The following GALNT1 variants were observed in gnomAD, a reference collection of about 807,000 sequenced individuals.
The protein encoded by GALNT1 is polypeptide N-acetylgalactosaminyltransferase 1.
GALNT1 carries 17 observed loss-of-function variants against 65.7 expected under a neutral mutation model. The ratio of observed to expected loss-of-function variants is 0.26; its 90% CI spans 0.18 to 0.39. The LOEUF is 0.39. Among genes scored for constraint, GALNT1 ranks in the 10% least tolerant of loss-of-function variants. The probability of loss-of-function intolerance (pLI) is 1.00; values close to 1 mark genes in which losing one functional copy is unlikely to be tolerated. For missense variants in GALNT1, 460 were observed against 672.8 expected, an observed-to-expected ratio of 0.68 and a Z score of 3.50; for synonymous variants, 210 against 219.7, an observed-to-expected ratio of 0.96 and a Z score of 0.39.
intron 2 of GALNT1, among the ~76,000 whole-genome samples, chr18:35,661,729 A>G (rs150798943): frequency 6.6e-6 from 1 of 152,076 alleles, no homozygotes; most frequent in Non-Finnish European, 1.5e-5. Flanking sequence ...TTTGTCCCGT[A>G]TATTTCCTGT....
rs2046319596 is a variant in GALNT1, at chr18:35,581,772, C to T, written c.-194C>T. 1 of 35,730 alleles carries T rather than the reference C, an allele frequency of 2.8e-5. No individual in the cohort carries two copies. The highest frequency in any genetic ancestry group is 5.2e-5 in the Non-Finnish European group (1 of 19,308). The allele number at this position is 35,730 out of a possible 1,614,324, so 2.2% of individuals were successfully genotyped here. On this transcript the variant is annotated 5_prime_UTR_variant, in exon 1 of 12. Transcript: ENST00000269195. ...GAGGAGCGCGCGGCGGACGGCGGCC[C>T]GAGAGTAGCGCGCTGGCCGCGGGAC...
chr18:35,603,865 C>T (rs551475381), intron 1 of GALNT1, among the ~76,000 whole-genome samples: 1 of 152,230 alleles, frequency 6.6e-6, no homozygotes, highest in Non-Finnish European at 1.5e-5. Context: ...CTAAAGGTAT[C>T]CCAACTGATG....
At chr18:35,603,234 C>T (rs534410406) in intron 1 of GALNT1, among the ~76,000 whole-genome samples, 1 of 152,266 alleles carries the variant, frequency 6.6e-6, no homozygotes, top group South Asian at 2.1e-4. Context: ...TCACCTTGAC[C>T]TCACTTTTTC....
At chr18:35,639,178 G>A (rs1478611970) in intron 1 of GALNT1, among the ~76,000 whole-genome samples, 3 of 152,166 alleles carry the variant, frequency 2.0e-5, no homozygotes, top group African/African-American at 2.4e-5. Context: ...ATTGCATGCT[G>A]TAGAGAAATC....
At chr18:35,624,856 G>A (rs1030544034) in intron 1 of GALNT1, among the ~76,000 whole-genome samples, 2 of 151,796 alleles carry the variant, frequency 1.3e-5, no homozygotes, top group African/African-American at 4.8e-5. Context: ...ACGTTTTCTG[G>A]CATTTTTATT....
intron 1 of GALNT1, among the ~76,000 whole-genome samples, chr18:35,637,047 A>G (rs2047100159): frequency 1.3e-5 from 2 of 152,098 alleles, no homozygotes; most frequent in Non-Finnish European, 2.9e-5. Flanking sequence ...AGTTTAATCA[A>G]TAAATGTCTT....
intron 1 of GALNT1, among the ~76,000 whole-genome samples, chr18:35,591,431 G>T (rs2046443030): frequency 6.6e-6 from 1 of 152,194 alleles, no homozygotes; most frequent in African/African-American, 2.4e-5. Context: ...ACAATTCTAA[G>T]TGCTGTACTT....
intron 1 of GALNT1, among the ~76,000 whole-genome samples, chr18:35,603,100 G>C (rs995252287): frequency 6.6e-6 from 1 of 152,154 alleles, no homozygotes. Context: ...CTTGGCTCTT[G>C]CAAATACTCA....
At chr18:35,699,578 C>T (rs1029865023) in intron 9 of GALNT1, among the ~76,000 whole-genome samples, 1 of 152,226 alleles carries the variant, frequency 6.6e-6, no homozygotes, top group African/African-American at 2.4e-5. Context: ...ATAAAATCCT[C>T]TGAAGAGTGG....
At chr18:35,645,476 G>T (rs577477245) in intron 1 of GALNT1, among the ~76,000 whole-genome samples, 3 of 151,934 alleles carry the variant, frequency 2.0e-5, no homozygotes, top group South Asian at 2.1e-4. Flanking sequence ...CTCCTGATCC[G>T]CCCGTGGCCT....
chr18:35,692,074 C>G (rs1404948683), intron 8 of GALNT1, 107 bp from the exon 9 acceptor site: 7 of 919,924 alleles, frequency 7.6e-6, no homozygotes, highest in South Asian at 3.3e-5. Flanking sequence ...ACATATCACC[C>G]AGCTGATACC....
intron 1 of GALNT1, among the ~76,000 whole-genome samples, chr18:35,604,210 G>A (rs976502927): frequency 7.9e-5 from 12 of 152,014 alleles, no homozygotes; most frequent in African/African-American, 2.9e-4. Context: ...TAGGATAATG[G>A]CCTCTATTTG....
At chr18:35,619,930 C>T (rs913038985) in intron 1 of GALNT1, among the ~76,000 whole-genome samples, 8 of 152,128 alleles carry the variant, frequency 5.3e-5, no homozygotes, top group Non-Finnish European at 1.0e-4. Context: ...AGATAAAGAA[C>T]AAGCCATGAA....
intron 1 of GALNT1, among the ~76,000 whole-genome samples, chr18:35,610,878 A>G (rs1054672608): frequency 6.6e-6 from 1 of 152,194 alleles, no homozygotes; most frequent in Non-Finnish European, 1.5e-5. Flanking sequence ...CTGGATTCTC[A>G]TACCCTCTTT....
intron 5 of GALNT1, among the ~76,000 whole-genome samples, chr18:35,684,520 G>A (rs995316650): frequency 1.3e-5 from 2 of 152,164 alleles, no homozygotes; most frequent in African/African-American, 2.4e-5. Context: ...TTGCTCGCCT[G>A]AAGATAACAC....
chr18:35,666,404 C>G (rs1347736850), intron 3 of GALNT1, among the ~76,000 whole-genome samples: 1 of 152,144 alleles, frequency 6.6e-6, no homozygotes, highest in Admixed American at 6.5e-5. Context: ...AAACCATTTG[C>G]TTTCCTGAAA....
intron 1 of GALNT1, among the ~76,000 whole-genome samples, chr18:35,647,981 A>C (rs1191093471): frequency 6.6e-6 from 1 of 151,842 alleles, no homozygotes. Flanking sequence ...CAGGAATTCA[A>C]GACCAGCCTG....
In GALNT1 at chr18:35,705,547, T is replaced by C. The variant is rs575573513; in HGVS notation, c.1533+1904T>C. ...TGCTCTGTTCTAGGGTTTCCCATGG[T>C]ATGTGCCACTGCCATTTTGGGTGTG... On this transcript the variant is annotated intron_variant, in intron 11 of 11. Coordinates refer to ENST00000269195, the MANE Select transcript of GALNT1 (RefSeq NM_020474.4). Among the ~76,000 whole-genome samples the C allele has an allele frequency of 2.6e-5, 4 of 152,318 alleles. No individual in the cohort carries two copies. The East Asian group carries it at 7.7e-4, about 29-fold the overall frequency.
chr18:35,679,060 C>T (rs556427112), intron 4 of GALNT1, among the ~76,000 whole-genome samples: 1 of 152,046 alleles, frequency 6.6e-6, no homozygotes, highest in East Asian at 1.9e-4. Context: ...TATATAATTA[C>T]ATGTCAGAAG....
Sources: gnomAD v4.1 joint callset for allele counts (sites outside exome capture counted in the v4.1 genomes callset) on GRCh38, gnomAD v4.1.1 for gene constraint, MANE v1.5 for transcripts, NCBI Gene and HGNC (gene_info 2026-07-23, HGNC 2026-07-21) for gene names.